CRAMP1: variants seen among roughly 807,000 people sequenced by gnomAD.
The protein encoded by CRAMP1 is cramped chromatin regulator 1.
Under a neutral mutation model 115.4 loss-of-function variants are expected in CRAMP1, and 50 were observed. That is an observed-to-expected ratio of 0.43 (90% CI 0.35 to 0.55). The LOEUF is 0.55. Among genes scored for constraint, CRAMP1 ranks in the 20% least tolerant of loss-of-function variants. The pLI is 0.01. For missense variants in CRAMP1, 1,679 were observed against 1,721.7 expected (o/e 0.98, Z 0.44); for synonymous variants, 866 against 745.4 (o/e 1.16, Z -2.64).
intron 2 of CRAMP1, among the ~76,000 whole-genome samples, chr16:1,619,305 T>G (rs774295655): frequency 2.0e-5 from 3 of 152,170 alleles, no homozygotes; most frequent in Non-Finnish European, 4.4e-5. Context: ...CTCAGCCTCC[T>G]GAGGAGCTGG....
rs1012290056 is a variant in CRAMP1 at position 1,669,911 on chromosome 16, C to T, written c.3499+746C>T. Reference sequence around the variant, plus strand: ...GCTGAGGGACCCAGCACCCTGCAGGCGTTTCCTTTTGTCTCATGTAGCAGT... The same window carrying T: ...GCTGAGGGACCCAGCACCCTGCAGGTGTTTCCTTTTGTCTCATGTAGCAGT... On this transcript the variant is annotated intron_variant, in intron 19 of 20. Transcript: ENST00000397412. The surrounding 1 kb of genome is among the most constrained non-coding windows in gnomAD (Gnocchi z 4.6). Among the ~76,000 whole-genome samples the T allele has an allele frequency of 6.6e-6, 1 of 152,128 alleles. No individual in the cohort carries two copies. Among genetic ancestry groups the T allele is most frequent in the Non-Finnish European group, 1.5e-5 (1 of 68,026 alleles).
intron 6 of CRAMP1, chr16:1,647,196 T>G (rs2142191005): frequency 1.6e-6 from 1 of 608,700 alleles, no homozygotes; most frequent in Non-Finnish European, 2.9e-6. Flanking sequence ...TCTTCTTTGG[T>G]TTTAGAATTG....
At chr16:1,617,113 C>T (rs1434387632) in intron 2 of CRAMP1, among the ~76,000 whole-genome samples, 3 of 152,172 alleles carry the variant, frequency 2.0e-5, no homozygotes, top group Non-Finnish European at 4.4e-5. Context: ...CATGAGCCAC[C>T]GCTCCTGGCC....
chr16:1,641,033 C>T (rs1330784702), intron 5 of CRAMP1, 106 bp from the exon 6 acceptor site: 13 of 738,318 alleles, frequency 1.8e-5, no homozygotes, highest in East Asian at 1.1e-4. Context: ...CTTTAATATT[C>T]GGTAATGGGA....
intron 8 of CRAMP1, among the ~76,000 whole-genome samples, chr16:1,653,429 C>T (rs1315797839): frequency 6.6e-6 from 1 of 152,194 alleles, no homozygotes; most frequent in Non-Finnish European, 1.5e-5. Flanking sequence ...TTTCGTCCCC[C>T]ACTAAGGCCC....
At chr16:1,637,235 G>A (rs760513049) in intron 4 of CRAMP1, among the ~76,000 whole-genome samples, 5 of 152,008 alleles carry the variant, frequency 3.3e-5, no homozygotes, top group Admixed American at 6.6e-5. Flanking sequence ...CAGAGGTTGC[G>A]GTGAGCCGAG....
At chr16:1,626,248 T>C in intron 3 of CRAMP1, 82 bp downstream of exon 3, 1 of 1,297,454 alleles carries the variant, frequency 7.7e-7, no homozygotes, top group Non-Finnish European at 1.0e-6. Context: ...GCTTCCTCTT[T>C]GCTGTTAGAT....
rs2036962191 is a variant in CRAMP1, at chr16:1,675,756, G to A, written c.*1711G>A. ...TTTCTTAGAGCTCTTGCCTGAGCTGGCTTCCCTCCTTCAGACATTGACATG... is the reference window on the plus strand; with the variant it reads ...TTTCTTAGAGCTCTTGCCTGAGCTGACTTCCCTCCTTCAGACATTGACATG... On this transcript the variant is annotated 3_prime_UTR_variant, in exon 21 of 21. Transcript: ENST00000397412. 6.6e-6 allele frequency: 1 copy of A among 152,244 alleles called. No individual in the cohort carries two copies. The highest frequency in any genetic ancestry group is 6.5e-5 in the Admixed American group (1 of 15,282). The allele number at this position is 152,244 out of a possible 1,614,324, so 9.4% of individuals were successfully genotyped here. A position where few individuals can be genotyped will look rare whatever the true frequency, so the allele number is the denominator to read the frequency against.
chr16:1,666,006 G>T lies in CRAMP1; in HGVS notation c.2753-67G>T. On this transcript the variant is annotated intron_variant, in intron 14 of 20. Coordinates refer to ENST00000397412, the MANE Select transcript of CRAMP1 (RefSeq NM_020825.4). The surrounding 1 kb of genome is among the most constrained non-coding windows in gnomAD (Gnocchi z 5.0). Reference sequence around the variant, plus strand: ...GTGGCTGTAAAGGAAGCCCCCTGCGGCCACATCCTGCTGTGAGGGCATGGC... The same window carrying T: ...GTGGCTGTAAAGGAAGCCCCCTGCGTCCACATCCTGCTGTGAGGGCATGGC... 9.4e-7 allele frequency: 1 copy of T among 1,065,850 alleles called. No homozygotes were observed. Among genetic ancestry groups the T allele is most frequent in the Non-Finnish European group, 1.4e-6 (1 of 708,070 alleles). 66.0% of individuals were successfully genotyped at this position (1,065,850 alleles called of 1,614,324 possible).
In CRAMP1 at chr16:1,656,292, C is replaced by T. The variant is rs947261052; in HGVS notation, c.1535C>T (p.Pro512Leu). The change falls in exon 10 of 21, where the codon CCT becomes CTT. Residue 512 changes from proline (P) to leucine (L), a missense_variant. This residue lies in a region of CRAMP1 where 405 missense variants were observed against 302.6 expected (regional missense o/e 1.34). Transcript: ENST00000397412. The surrounding 1 kb of genome is among the most constrained non-coding windows in gnomAD (Gnocchi z 5.6). ...SLSSPDAPDRPPPRHQDTGPC... is the reference protein window; with the variant it reads ...SLSSPDAPDRLPPRHQDTGPC... Reference sequence around the variant, plus strand: ...AGCAGCCCGGACGCTCCTGACAGGCCTCCTCCCAGGCACCAGGACACTGGG... The same window carrying T: ...AGCAGCCCGGACGCTCCTGACAGGCTTCCTCCCAGGCACCAGGACACTGGG... 6.2e-7 allele frequency: 1 copy of T among 1,612,008 alleles called. No homozygotes were observed. The highest frequency in any genetic ancestry group is 8.5e-7 in the Non-Finnish European group (1 of 1,179,666).
rs1476606009 is a variant in CRAMP1 at position 1,672,174 on chromosome 16, T to TA, written c.3645+1366dup. Among the ~76,000 whole-genome samples, 1 of 152,212 alleles carries TA rather than the reference T, an allele frequency of 6.6e-6. No homozygotes were observed. The highest frequency in any genetic ancestry group is 1.5e-5 in the Non-Finnish European group (1 of 68,034). On this transcript the variant is annotated intron_variant, in intron 20 of 20. Coordinates refer to ENST00000397412, the MANE Select transcript of CRAMP1 (RefSeq NM_020825.4). The surrounding 1 kb of genome is among the most constrained non-coding windows in gnomAD (Gnocchi z 4.9). ...CCTTGGAGTCAGAAATCCAGAGTGTTAGCCTCACCCCAATCAGAATTTGCA... is the reference window on the plus strand; with the variant it reads ...CCTTGGAGTCAGAAATCCAGAGTGTTAAGCCTCACCCCAATCAGAATTTGCA...
At chr16:1,673,359 C>T (rs1320478604) in intron 20 of CRAMP1, among the ~76,000 whole-genome samples, 1 of 151,964 alleles carries the variant, frequency 6.6e-6, no homozygotes, top group East Asian at 1.9e-4. Context: ...AACGTGTCCC[C>T]CACCTGTCCT....
At chr16:1,613,262 A>G (rs1386076429) in intron 1 of CRAMP1, among the ~76,000 whole-genome samples, 1 of 142,708 alleles carries the variant, frequency 7.0e-6, no homozygotes, top group Non-Finnish European at 1.5e-5. Context: ...AACTAGCATG[A>G]ACTCGAGATT....
intron 10 of CRAMP1, among the ~76,000 whole-genome samples, chr16:1,658,132 T>A (rs1467165895): frequency 6.6e-6 from 1 of 151,988 alleles, no homozygotes; most frequent in Non-Finnish European, 1.5e-5. Flanking sequence ...CCCCGGAGAG[T>A]TGGTCCATCA....
rs140357276 is a variant in CRAMP1 at position 1,653,985 on chromosome 16, C to G, written c.1037+829C>G. Among the ~76,000 whole-genome samples the G allele has an allele frequency of 5.4e-3, 806 of 149,832 alleles. 9 individuals are homozygous for G. Among genetic ancestry groups the G allele is most frequent in the African/African-American group, 0.018 (731 of 40,928 alleles). On this transcript the variant is annotated intron_variant, in intron 8 of 20. Coordinates refer to ENST00000397412, the MANE Select transcript of CRAMP1 (RefSeq NM_020825.4). Reference sequence around the variant, plus strand: ...TGAAACCCTGTCTCTACTAAAAATACAAAAAAAATTAGCCGGGCGTGGTGG... The same window carrying G: ...TGAAACCCTGTCTCTACTAAAAATAGAAAAAAAATTAGCCGGGCGTGGTGG...
At chr16:1,619,604 G>A (rs993731625) in intron 2 of CRAMP1, among the ~76,000 whole-genome samples, 2 of 152,194 alleles carry the variant, frequency 1.3e-5, no homozygotes, top group Non-Finnish European at 2.9e-5. Context: ...AAAATCTGCT[G>A]GTATTTCATG....
At chr16:1,649,785 A>ATT (rs35942594) in intron 6 of CRAMP1, among the ~76,000 whole-genome samples, 1,327 of 65,504 alleles carry the variant, frequency 0.02, no homozygotes, top group Non-Finnish European at 0.027. Context: ...ATGAGCCACT[A>ATT]TTTTTTTTTT....
intron 10 of CRAMP1, among the ~76,000 whole-genome samples, chr16:1,658,694 G>T (rs1211377054): frequency 1.3e-5 from 2 of 152,186 alleles, no homozygotes; most frequent in Non-Finnish European, 2.9e-5. Context: ...GCCGGAGGCT[G>T]CTGAGCCGCT....
rs943164182 is a variant in CRAMP1, at chr16:1,669,536, G to C, written c.3499+371G>C. The stretch of plus-strand genomic sequence containing the variant: ...GGGAGAAAAGGAAACTGGTGTCTTG[G>C]CACTCTCTTGGCTCTTCTCTTTCTG... On this transcript the variant is annotated intron_variant, in intron 19 of 20. Transcript: ENST00000397412. This position sits in a 1 kb window ranked among gnomAD's most constrained non-coding sequence, Gnocchi z 4.6. Among the ~76,000 whole-genome samples the C allele has an allele frequency of 1.3e-5, 2 of 152,290 alleles. No individual in the cohort carries two copies. The highest frequency in any genetic ancestry group is 2.1e-4 in the South Asian group (1 of 4,822).
Sources: allele counts gnomAD v4.1 joint callset (sites outside exome capture counted in the v4.1 genomes callset), GRCh38; gene constraint gnomAD v4.1.1; regional missense constraint gnomAD v4.1.1; non-coding constraint Gnocchi (gnomAD v3.1); transcripts MANE v1.5; gene names NCBI Gene and HGNC (gene_info 2026-07-23, HGNC 2026-07-21).